Variants in EDEM1 observed in about 807,000 individuals in gnomAD.
EDEM1 encodes the protein ER degradation enhancing alpha-mannosidase like protein 1, also known as ER degradation-enhancing alpha-mannosidase-like protein 1.
Under a neutral mutation model 74.4 loss-of-function variants are expected in EDEM1, and 67 were observed. That is an observed-to-expected ratio of 0.90 (90% CI 0.74 to 1.10). The LOEUF (loss-of-function observed/expected upper bound fraction) is 1.10, where lower values mean the gene tolerates loss of function less well. Among genes scored for constraint, EDEM1 ranks in the 50% least tolerant of loss-of-function variants. The pLI, the probability that EDEM1 is intolerant of heterozygous loss-of-function variation, is 0.00. For synonymous variants in EDEM1, 382 were observed against 335.9 expected, an observed-to-expected ratio of 1.14 and a Z score of -1.50; for missense variants, 926 against 851.6, an observed-to-expected ratio of 1.09 and a Z score of -1.09.
intron 8 of EDEM1, 134 bp downstream of exon 8, chr3:5,208,397 C>A: frequency 1.9e-6 from 2 of 1,062,952 alleles, no homozygotes; most frequent in Non-Finnish European, 2.7e-6. Flanking sequence ...TACCCCCTAT[C>A]CGTAGTCTTG....
intron 10 of EDEM1, 77 bp from the exon 11 acceptor site, chr3:5,213,236 CTGAGTA>C (rs2055188802): frequency 7.3e-7 from 1 of 1,365,482 alleles, no homozygotes; most frequent in African/African-American, 1.4e-5. Flanking sequence ...ATTCTACTCC[CTGAGTA>C]GCTGGGACAC....
intron 10 of EDEM1, among the ~76,000 whole-genome samples, chr3:5,212,628 G>C (rs1436398125): frequency 6.6e-6 from 1 of 152,152 alleles, no homozygotes; most frequent in African/African-American, 2.4e-5. Context: ...AATAGTTTAG[G>C]TGACCAATAA....
rs1394603481 is a variant in EDEM1, at chr3:5,219,549, A to G, written c.*3631A>G. 3 of 152,230 alleles carry G rather than the reference A, an allele frequency of 2.0e-5. No homozygotes were observed. In the East Asian group the frequency reaches 5.8e-4, roughly 29 times the overall value. The allele number at this position is 152,230 out of a possible 1,614,324, so 9.4% of individuals were successfully genotyped here. A position where few individuals can be genotyped will look rare whatever the true frequency, so the allele number is the denominator to read the frequency against. On this transcript the variant is annotated 3_prime_UTR_variant, in exon 12 of 12. Coordinates refer to ENST00000256497, the MANE Select transcript of EDEM1 (RefSeq NM_014674.3). ...GGACGTGAATCTGGTAAAAATATCAAGTACCTGTGGAACTCCCTGATTCTA... is the reference window on the plus strand; with the variant it reads ...GGACGTGAATCTGGTAAAAATATCAGGTACCTGTGGAACTCCCTGATTCTA...
In EDEM1 at chr3:5,216,790, A is replaced by G. The variant is rs995832601; in HGVS notation, c.*872A>G. The G allele has an allele frequency of 2.0e-5, 3 of 152,696 alleles. No homozygotes were observed. The highest frequency in any genetic ancestry group is 7.2e-5 in the African/African-American group (3 of 41,468). 9.5% of individuals were successfully genotyped at this position (152,696 alleles called of 1,614,324 possible). The stretch of plus-strand genomic sequence containing the variant: ...ATATGAACTTACCTGAGGAACTCCC[A>G]TAGTTCCAGAATCAGGTGCCTTTTA... On this transcript the variant is annotated 3_prime_UTR_variant, in exon 12 of 12. Coordinates refer to ENST00000256497, the MANE Select transcript of EDEM1 (RefSeq NM_014674.3).
At chr3:5,207,698 G>A (rs1322446415) in intron 7 of EDEM1, among the ~76,000 whole-genome samples, 1 of 152,108 alleles carries the variant, frequency 6.6e-6, no homozygotes, top group Non-Finnish European at 1.5e-5. Flanking sequence ...AGTAGAGACG[G>A]GGTTTCACTG....
chr3:5,213,867 A>AC (rs2055198148), intron 11 of EDEM1, among the ~76,000 whole-genome samples: 2 of 151,506 alleles, frequency 1.3e-5, no homozygotes, highest in African/African-American at 4.8e-5. Flanking sequence ...TCAACATGTG[A>AC]CCCCTCCCCG....
At chr3:5,196,452 A>C (rs1458841024) in intron 2 of EDEM1, among the ~76,000 whole-genome samples, 1 of 103,588 alleles carries the variant, frequency 9.7e-6, no homozygotes, top group Non-Finnish European at 2.2e-5. Context: ...GTGAGACTCC[A>C]TCTCTGGAGA....
At chr3:5,195,525 C>T (rs568285557) in intron 2 of EDEM1, among the ~76,000 whole-genome samples, 2 of 152,086 alleles carry the variant, frequency 1.3e-5, no homozygotes, top group South Asian at 4.2e-4. Context: ...TTTAGGGAAC[C>T]TATTTTTTTT....
At chr3:5,205,488 C>T (rs989660168) in intron 6 of EDEM1, among the ~76,000 whole-genome samples, 2 of 152,320 alleles carry the variant, frequency 1.3e-5, no homozygotes, top group African/African-American at 4.8e-5. Context: ...TTCTTAGGGA[C>T]AGTAATCCAG....
chr3:5,189,876 G>C (rs1016124189), intron 1 of EDEM1, among the ~76,000 whole-genome samples: 2 of 152,266 alleles, frequency 1.3e-5, no homozygotes, highest in Non-Finnish European at 2.9e-5. Flanking sequence ...TGGGATTACA[G>C]GCGTGAGCCA....
rs757503104 is a variant in EDEM1, at chr3:5,215,876, C to T, written c.1932C>T (p.Ser644=). The T allele has an allele frequency of 6.2e-7, 1 of 1,613,132 alleles. No homozygotes were observed. The highest frequency in any genetic ancestry group is 8.5e-7 in the Non-Finnish European group (1 of 1,179,678). Residue 644 remains serine (S), a synonymous_variant, in exon 12 of 12, where the codon AGC becomes AGT. Transcript: ENST00000256497. ...GGAGGTACTCCCTGCCCTTAAAGAG[C>T]ATCTACATGCGACAGATTGACCAGA... ...DERRYSLPLK[S]IYMRQIDQMV... is the part of the protein sequence containing the mutation.
At position 5,208,170 on chromosome 3, in the gene EDEM1, C is replaced by T. The variant is rs1191932846; in HGVS notation, c.1416C>T (p.Leu472=). 5 of 1,613,558 alleles carry T rather than the reference C, an allele frequency of 3.1e-6. No individual in the cohort carries two copies. Among genetic ancestry groups the T allele is most frequent in the East Asian group, 2.2e-5 (1 of 44,870 alleles). The change falls in exon 8 of 12, where the codon CTC becomes CTT. Residue 472 remains leucine (L), a synonymous_variant. Transcript: ENST00000256497. ...YYAIWKRYGA[L]PERYNWQLQA... is the part of the protein sequence containing the mutation. ...CCATATGGAAACGATATGGTGCCCT[C>T]CCTGAGAGATATAACTGGCAGCTGC...
intron 10 of EDEM1, 88 bp from the exon 11 acceptor site, chr3:5,213,231 A>G (rs773094139): frequency 5.1e-5 from 67 of 1,315,902 alleles, no homozygotes; most frequent in Non-Finnish European, 6.3e-5. Flanking sequence ...AGCAAATTCT[A>G]CTCCCTGAGT....
chr3:5,206,427 C>CA (rs2055097736), intron 6 of EDEM1, among the ~76,000 whole-genome samples: 1 of 152,038 alleles, frequency 6.6e-6, no homozygotes, highest in Admixed American at 6.6e-5. Flanking sequence ...AGGCTGGTCT[C>CA]AAACTCCTGA....
chr3:5,204,346 A>AT (rs1471905327), intron 5 of EDEM1, among the ~76,000 whole-genome samples: 5 of 151,630 alleles, frequency 3.3e-5, no homozygotes, highest in African/African-American at 1.2e-4. Flanking sequence ...TGTTTTTATT[A>AT]TTAAAAAAAA....
At chr3:5,207,423 A>G in intron 7 of EDEM1, 150 bp downstream of exon 7, 1 of 1,174,698 alleles carries the variant, frequency 8.5e-7, no homozygotes, top group Non-Finnish European at 1.2e-6. Flanking sequence ...TCTGTTTGAG[A>G]AATTAGTCTC....
At chr3:5,188,490 G>A in intron 1 of EDEM1, 176 bp downstream of exon 1, 2 of 640,326 alleles carry the variant, frequency 3.1e-6, no homozygotes, top group Non-Finnish European at 4.5e-6. Context: ...CGAGCTTGAG[G>A]GTGCGGGGTG....
rs1343319276 is a variant in EDEM1 at position 5,217,916 on chromosome 3, T to C, written c.*1998T>C. ...GCATCTCAGAGAAGGAGGTGAGTTC[T>C]TCCTGCCTGTGATTTCTCTTGGCGC... On this transcript the variant is annotated 3_prime_UTR_variant, in exon 12 of 12. Transcript: ENST00000256497. 3 of 152,244 alleles carry C rather than the reference T, an allele frequency of 2.0e-5. No homozygotes were observed. The highest frequency in any genetic ancestry group is 7.2e-5 in the African/African-American group (3 of 41,464). 9.4% of individuals were successfully genotyped at this position (152,244 alleles called of 1,614,324 possible).
In EDEM1 at chr3:5,188,358, C is replaced by G. The variant is rs760880542; in HGVS notation, c.509+44C>G. 14 of 1,369,348 alleles carry G rather than the reference C, an allele frequency of 1.0e-5. No homozygotes were observed. In the South Asian group the frequency reaches 2.5e-4, roughly 25 times the overall value. 84.8% of individuals were successfully genotyped at this position (1,369,348 alleles called of 1,614,324 possible). A position where few individuals can be genotyped will look rare whatever the true frequency, so the allele number is the denominator to read the frequency against. On this transcript the variant is annotated intron_variant, in intron 1 of 11. Transcript: ENST00000256497. ...CCGGGGCCGCGCGCCCACGCGCTTCCTTCCGCCCTCCGCGCCGGGGTGCAG... is the reference window on the plus strand; with the variant it reads ...CCGGGGCCGCGCGCCCACGCGCTTCGTTCCGCCCTCCGCGCCGGGGTGCAG...
Sources: allele counts gnomAD v4.1 joint callset (sites outside exome capture counted in the v4.1 genomes callset), GRCh38; gene constraint gnomAD v4.1.1; transcripts MANE v1.5; gene names NCBI Gene and HGNC (gene_info 2026-07-23, HGNC 2026-07-21).